SYT17: variants seen among roughly 807,000 people sequenced by gnomAD.
The protein encoded by SYT17 is synaptotagmin-17.
Under a neutral mutation model 46.7 loss-of-function variants are expected in SYT17, and 22 were observed. The observed-to-expected ratio is 0.47, with a 90% CI of 0.34 to 0.67. The LOEUF (loss-of-function observed/expected upper bound fraction) is 0.67, where lower values mean the gene tolerates loss of function less well. Among genes scored for constraint, SYT17 ranks in the 30% least tolerant of loss-of-function variants. The probability of loss-of-function intolerance (pLI) is 0.01; values close to 1 mark genes in which losing one functional copy is unlikely to be tolerated. For missense variants in SYT17, 519 were observed against 612.8 expected (o/e 0.85, Z 1.62); for synonymous variants, 251 against 248.4 (o/e 1.01, Z -0.10).
chr16:19,178,500 C>T (rs1013997989), intron 3 of SYT17, among the ~76,000 whole-genome samples: 2 of 151,862 alleles, frequency 1.3e-5, no homozygotes, highest in Admixed American at 6.6e-5. Context: ...CCATGTCGGC[C>T]GGGTTGGTCT....
intron 7 of SYT17, among the ~76,000 whole-genome samples, chr16:19,241,996 G>A (rs916212394): frequency 1.3e-5 from 2 of 152,176 alleles, no homozygotes; most frequent in African/African-American, 4.8e-5. Context: ...ATGGAAGAGG[G>A]AAGTGAGGCA....
At chr16:19,196,434 G>T (rs546890712) in intron 5 of SYT17, among the ~76,000 whole-genome samples, 1 of 152,066 alleles carries the variant, frequency 6.6e-6, no homozygotes, top group Non-Finnish European at 1.5e-5. Context: ...GTAGAGACAA[G>T]GTTTCACCAT....
chr16:19,173,209 G>C (rs1161502420), intron 2 of SYT17: 10 of 561,718 alleles, frequency 1.8e-5, no homozygotes, highest in Admixed American at 1.0e-4. Flanking sequence ...AACGGCTCCA[G>C]CGAGTTGATG....
intron 1 of SYT17, among the ~76,000 whole-genome samples, chr16:19,169,346 G>T (rs1195896627): frequency 6.6e-6 from 1 of 152,164 alleles, no homozygotes; most frequent in Non-Finnish European, 1.5e-5. Flanking sequence ...GGGGTGGGCC[G>T]GGCTTCTTGG....
Position 19,267,123 on chromosome 16 carries a change from A to AAAT in SYT17, c.*47_*48insAAT. ...TCATTTGTTTAAAAAAAAAAAAAAA[A>AAAT]GACGGAAAAAAATGTGTCACATACT... On this transcript the variant is annotated 3_prime_UTR_variant, in exon 8 of 8. Transcript: ENST00000355377. 1 of 1,456,422 alleles carries AAAT rather than the reference A, an allele frequency of 6.9e-7. No homozygotes were observed. Among genetic ancestry groups the AAAT allele is most frequent in the Non-Finnish European group, 9.1e-7 (1 of 1,093,638 alleles). 90.2% of individuals were successfully genotyped at this position (1,456,422 alleles called of 1,614,324 possible).
At position 19,173,492 on chromosome 16, in the gene SYT17, G is replaced by T. The variant is rs1315299421; in HGVS notation, c.96G>T (p.Gln32His). 6.2e-7 allele frequency: 1 copy of T among 1,612,932 alleles called. No individual in the cohort carries two copies. Among genetic ancestry groups the T allele is most frequent in the Non-Finnish European group, 8.5e-7 (1 of 1,179,854 alleles). Residue 32 changes from glutamine to histidine, a missense_variant, in exon 3 of 8, where the codon CAG becomes CAT. Transcript: ENST00000355377. Reference sequence around the variant, plus strand: ...GATGGACCTGCCGGCACTGCTGTCAGAAGTGCTACGAGTCCAGCTGTTGCC... The same window carrying T: ...GATGGACCTGCCGGCACTGCTGTCATAAGTGCTACGAGTCCAGCTGTTGCC... ...LCRWTCRHCCQKCYESSCCQS... is the reference protein window; with the variant it reads ...LCRWTCRHCCHKCYESSCCQS...
At chr16:19,172,835 C>T (rs1596881965) in intron 2 of SYT17, 58 bp downstream of exon 2, 2 of 1,601,376 alleles carry the variant, frequency 1.2e-6, no homozygotes, top group South Asian at 1.1e-5. Context: ...GCCTGACTTT[C>T]ATTTTGGAGT....
At chr16:19,227,441 C>A (rs973875964) in intron 7 of SYT17, among the ~76,000 whole-genome samples, 3 of 151,834 alleles carry the variant, frequency 2.0e-5, no homozygotes, top group Admixed American at 6.6e-5. Context: ...TCAGCCTCCT[C>A]AGTACTTGGG....
intron 7 of SYT17, among the ~76,000 whole-genome samples, chr16:19,244,226 C>T (rs78397477): frequency 2.0e-5 from 3 of 152,192 alleles, no homozygotes; most frequent in Non-Finnish European, 4.4e-5. Context: ...TCATATGACT[C>T]ACTACAAAGC....
chr16:19,201,682 A>G (rs1474068598), intron 5 of SYT17, among the ~76,000 whole-genome samples: 2 of 151,982 alleles, frequency 1.3e-5, no homozygotes, highest in Admixed American at 1.3e-4. Flanking sequence ...AAAAAAAAAA[A>G]AAAAAAAAAG....
intron 5 of SYT17, among the ~76,000 whole-genome samples, chr16:19,204,605 TAACTA>T (rs1187778054): frequency 6.6e-6 from 1 of 152,020 alleles, no homozygotes; most frequent in Non-Finnish European, 1.5e-5. Context: ...CCAGTGGACT[TAACTA>T]AAGATCCCTG....
chr16:19,207,485 G>C (rs557891530), intron 5 of SYT17, among the ~76,000 whole-genome samples: 25 of 152,110 alleles, frequency 1.6e-4, no homozygotes, highest in Admixed American at 1.6e-3. Flanking sequence ...GAAGGCAAGG[G>C]GGGGAAAGAG....
chr16:19,222,172 A>G (rs970607150), intron 5 of SYT17, among the ~76,000 whole-genome samples: 2 of 152,248 alleles, frequency 1.3e-5, no homozygotes, highest in African/African-American at 4.8e-5. Context: ...ACGTTTCACA[A>G]GTCAGAATAT....
At chr16:19,175,478 A>T (rs12917978) in intron 3 of SYT17, among the ~76,000 whole-genome samples, 73 of 151,798 alleles carry the variant, frequency 4.8e-4, no homozygotes, top group Non-Finnish European at 1.3e-4. Flanking sequence ...ACACGATGAG[A>T]CCCCTATCTC....
chr16:19,252,416 C>CAT lies in SYT17; in HGVS notation c.1229-14454_1229-14453dup, dbSNP rs1418080604. 2.7e-4 allele frequency among the ~76,000 whole-genome samples: 6 copies of CAT among 22,582 alleles called. 3 individuals are homozygous for CAT. Among genetic ancestry groups the CAT allele is most frequent in the Non-Finnish European group, 3.8e-4 (6 of 15,590 alleles). 14.8% of individuals were successfully genotyped at this position (22,582 alleles called of 152,430 possible). A position where few individuals can be genotyped will look rare whatever the true frequency, so the allele number is the denominator to read the frequency against. ...ATACATATATATACATATATATATA[C>CAT]ATATATATATACATATATATACATA... On this transcript the variant is annotated intron_variant, in intron 7 of 7. Coordinates refer to ENST00000355377, the MANE Select transcript of SYT17 (RefSeq NM_016524.4).
chr16:19,252,141 G>A (rs765055178), intron 7 of SYT17, among the ~76,000 whole-genome samples: 8 of 149,726 alleles, frequency 5.3e-5, no homozygotes, highest in South Asian at 2.1e-4. Context: ...CAGCCTGGGC[G>A]ACAGAGCAAA....
chr16:19,182,137 G>A (rs998113102), intron 4 of SYT17, among the ~76,000 whole-genome samples: 58 of 152,054 alleles, frequency 3.8e-4, no homozygotes, highest in African/African-American at 1.3e-3. Flanking sequence ...TTTGCAGGCT[G>A]GGCGCGGTGG....
chr16:19,227,145 C>T lies in SYT17; in HGVS notation c.1228+2307C>T, dbSNP rs78020262. 3.1e-3 allele frequency among the ~76,000 whole-genome samples: 465 copies of T among 152,274 alleles called. 2 individuals are homozygous for T. Among genetic ancestry groups the T allele is most frequent in the African/African-American group, 9.8e-3 (406 of 41,552 alleles). ...GCATTCAGTGAGATCAATAAACACACGGTGCTGAGCACTGTGCCACCCATA... is the reference window on the plus strand; with the variant it reads ...GCATTCAGTGAGATCAATAAACACATGGTGCTGAGCACTGTGCCACCCATA... On this transcript the variant is annotated intron_variant, in intron 7 of 7. Coordinates refer to ENST00000355377, the MANE Select transcript of SYT17 (RefSeq NM_016524.4).
At position 19,217,514 on chromosome 16, in the gene SYT17, G is replaced by T. The variant is rs145670798; in HGVS notation, c.952-5531G>T. On this transcript the variant is annotated intron_variant, in intron 5 of 7. Transcript: ENST00000355377. ...GGCTTCTTTCACTTTTTTGAGGTTT[G>T]TCTACATTGTATCAATGCTTCATTG... Among the ~76,000 whole-genome samples, 615 of 152,230 alleles carry T rather than the reference G, an allele frequency of 4.0e-3. 6 individuals carry two copies. Among genetic ancestry groups the T allele is most frequent in the African/African-American group, 0.014 (585 of 41,540 alleles).
Sources: allele counts gnomAD v4.1 joint callset (sites outside exome capture counted in the v4.1 genomes callset), GRCh38; gene constraint gnomAD v4.1.1; transcripts MANE v1.5; gene names NCBI Gene and HGNC (gene_info 2026-07-23, HGNC 2026-07-21).